The following RIIAD1 variants were observed in gnomAD, a reference collection of about 807,000 sequenced individuals.
The protein encoded by RIIAD1 is regulatory subunit of type II PKA R-subunit domain containing 1.
RIIAD1 carries 15 observed loss-of-function variants against 13.3 expected under a neutral mutation model. The observed-to-expected ratio is 1.13, with a 90% CI of 0.76 to 1.74. The LOEUF is 1.74. RIIAD1 is among the 40% of genes most tolerant of loss of function. RIIAD1 has a pLI of 0.00. For synonymous variants in RIIAD1, 50 were observed against 43.3 expected (o/e 1.16, Z -0.61); for missense variants, 121 against 112.2 (o/e 1.08, Z -0.35).
chr1:151,715,630 G>C lies in RIIAD1; in HGVS notation c.21+1101G>C, dbSNP rs968416454. 10 of 1,483,158 alleles carry C rather than the reference G, an allele frequency of 6.7e-6. No homozygotes were observed. The African/African-American group carries it at 9.7e-5, about 14-fold the overall frequency. 91.9% of individuals were successfully genotyped at this position (1,483,158 alleles called of 1,614,324 possible). On this transcript the variant is annotated intron_variant, in intron 4 of 8. Transcript: ENST00000326413. The stretch of plus-strand genomic sequence containing the variant: ...TGACATCAACACACCCATATGTCTG[G>C]GATCCACATCTTTGCAGCCGTCTTG...
upstream of RIIAD1, chr1:151,719,783 A>G (rs1357851104): frequency 6.4e-6 from 4 of 628,648 alleles, no homozygotes; most frequent in Non-Finnish European, 1.1e-5. Flanking sequence ...TTTGGGTCAT[A>G]GGATGTGATC....
intron 2 of RIIAD1, among the ~76,000 whole-genome samples, chr1:151,726,267 T>C (rs554682453): frequency 6.6e-6 from 1 of 152,322 alleles, no homozygotes; most frequent in South Asian, 2.1e-4. Context: ...TACTCCTCTT[T>C]AGCACTTGTC....
intron 3 of RIIAD1, among the ~76,000 whole-genome samples, chr1:151,714,168 G>C (rs148795512): frequency 1.3e-5 from 2 of 152,130 alleles, no homozygotes; most frequent in African/African-American, 2.4e-5. Flanking sequence ...CCAGCTGCCT[G>C]TTCTCTGGGC....
At chr1:151,721,185 C>A (rs78349558), upstream of RIIAD1, among the ~76,000 whole-genome samples, 13,646 of 152,270 alleles carry the variant, frequency 0.09, 654 homozygotes, top group Non-Finnish European at 0.11. Context: ...CTTGGGTTCT[C>A]TTTCCCCAGT....
intron 3 of RIIAD1, among the ~76,000 whole-genome samples, chr1:151,713,779 GGT>G (rs1673226126): frequency 1.3e-5 from 2 of 152,214 alleles, no homozygotes; most frequent in South Asian, 4.1e-4. Context: ...TGGGCGTGGG[GGT>G]TTGGGTGGAT....
intron 4 of RIIAD1, 128 bp downstream of exon 4, chr1:151,729,021 G>T (rs1647256542): frequency 1.7e-6 from 1 of 595,724 alleles, no homozygotes; most frequent in Non-Finnish European, 3.0e-6. Flanking sequence ...TAAATGTTTA[G>T]TTTTTCCTCT....
chr1:151,728,371 T>G, intron 3 of RIIAD1: 1 of 222,534 alleles, frequency 4.5e-6, no homozygotes, highest in Non-Finnish European at 8.8e-6. Flanking sequence ...TTGGCATTTA[T>G]TTGGGCCCCA....
At chr1:151,712,533 G>C (rs559395352) in intron 2 of RIIAD1, among the ~76,000 whole-genome samples, 10 of 152,326 alleles carry the variant, frequency 6.6e-5, no homozygotes, top group African/African-American at 2.4e-4. Context: ...TTTTGGTTCA[G>C]GGTGAAGGGG....
intron 3 of RIIAD1, 94 bp from the exon 4 acceptor site, chr1:151,728,672 T>C: frequency 1.3e-6 from 1 of 746,924 alleles, no homozygotes; most frequent in Non-Finnish European, 2.4e-6. Context: ...TACCAAGCCA[T>C]CCTAACTTTT....
chr1:151,715,961 C>T (rs1381310601), intron 4 of RIIAD1: 1 of 1,614,206 alleles, frequency 6.2e-7, no homozygotes, highest in Non-Finnish European at 8.5e-7. Flanking sequence ...TCAGGTCCTT[C>T]TCCTCCAGAT....
intron 2 of RIIAD1, among the ~76,000 whole-genome samples, chr1:151,726,929 C>T (rs1225449370): frequency 3.9e-5 from 6 of 152,154 alleles, no homozygotes; most frequent in East Asian, 1.9e-4. Flanking sequence ...TCCCACCATT[C>T]GTGGGCCGGC....
At chr1:151,719,610 C>A (rs1370573027), upstream of RIIAD1, 2 of 702,790 alleles carry the variant, frequency 2.8e-6, no homozygotes, top group Admixed American at 2.0e-5. Context: ...AAGACATCTG[C>A]AGCAGAATTT....
intron 2 of RIIAD1, among the ~76,000 whole-genome samples, chr1:151,725,631 A>G (rs1205742755): frequency 6.6e-6 from 1 of 152,206 alleles, no homozygotes; most frequent in Non-Finnish European, 1.5e-5. Context: ...AACAGTAGCC[A>G]GTATCCTGAC....
chr1:151,716,240 A>G lies in RIIAD1; in HGVS notation c.21+1711A>G, dbSNP rs542864288. 17 of 505,100 alleles carry G rather than the reference A, an allele frequency of 3.4e-5. No individual in the cohort carries two copies. The South Asian group carries it at 6.0e-4, about 18-fold the overall frequency. The allele number at this position is 505,100 out of a possible 1,614,324, so 31.3% of individuals were successfully genotyped here. The stretch of plus-strand genomic sequence containing the variant: ...GTCAGGGGTCTAGGCAGACGCTGTC[A>G]TGCCACCAGGGGGCATCGCCTAAAC... On this transcript the variant is annotated intron_variant, in intron 4 of 8. Transcript: ENST00000326413.
At chr1:151,717,747 G>A (rs1243833616), upstream of RIIAD1, among the ~76,000 whole-genome samples, 1 of 152,234 alleles carries the variant, frequency 6.6e-6, no homozygotes, top group Non-Finnish European at 1.5e-5. Context: ...TTCTTCAGTT[G>A]GGTTCTTTGA....
At chr1:151,715,736 C>T (rs927825330) in intron 4 of RIIAD1, 45 of 1,587,706 alleles carry the variant, frequency 2.8e-5, no homozygotes, top group Middle Eastern at 1.7e-4. Flanking sequence ...TTTTTCAGCT[C>T]CTCCATCCAC....
intron 2 of RIIAD1, among the ~76,000 whole-genome samples, chr1:151,722,514 A>G (rs944915358): frequency 1.3e-5 from 2 of 152,172 alleles, no homozygotes; most frequent in Non-Finnish European, 2.9e-5. Context: ...AGAGAAGACA[A>G]TTTACCAGCG....
chr1:151,722,041 G>C (rs748741450), intron 1 of RIIAD1, 45 bp from the exon 2 acceptor site: 22 of 1,377,078 alleles, frequency 1.6e-5, no homozygotes, highest in South Asian at 1.1e-4. Context: ...GCTGAACCCT[G>C]AATCTGTCTC....
At chr1:151,720,171 A>T (rs1673711947), upstream of RIIAD1, among the ~76,000 whole-genome samples, 4 of 152,150 alleles carry the variant, frequency 2.6e-5, no homozygotes, top group South Asian at 8.3e-4. Flanking sequence ...TTTGCTGCAC[A>T]TTTAACACCT....
Sources: allele counts gnomAD v4.1 joint callset (sites outside exome capture counted in the v4.1 genomes callset), GRCh38; gene constraint gnomAD v4.1.1; transcripts MANE v1.5; gene names NCBI Gene and HGNC (gene_info 2026-07-23, HGNC 2026-07-21).